The following FGF20 variants were observed in gnomAD, a reference collection of about 807,000 sequenced individuals.
FGF20 encodes the protein fibroblast growth factor 20.
A neutral mutation model predicts 16.7 loss-of-function variants in FGF20; 8 were observed. The ratio of observed to expected loss-of-function variants is 0.48; its 90% CI spans 0.28 to 0.87. FGF20 has a LOEUF of 0.87. Among genes scored for constraint, FGF20 ranks in the 40% least tolerant of loss-of-function variants. The pLI is 0.10. For synonymous variants in FGF20, 161 were observed against 118.6 expected, an observed-to-expected ratio of 1.36 and a Z score of -2.32; for missense variants, 397 against 281.4, an observed-to-expected ratio of 1.41 and a Z score of -2.94.
At chr8:17,001,050 C>T (rs1810168264) in intron 1 of FGF20, among the ~76,000 whole-genome samples, 1 of 150,592 alleles carries the variant, frequency 6.6e-6, no homozygotes, top group Non-Finnish European at 1.5e-5. Context: ...CCCACCCCTC[C>T]CCCCCTTTCC....
chr8:16,999,800 A>G (rs1293466703), intron 1 of FGF20, among the ~76,000 whole-genome samples: 2 of 151,194 alleles, frequency 1.3e-5, no homozygotes, highest in Non-Finnish European at 2.9e-5. Context: ...CGGCCTCCCA[A>G]AGCGCTGGGA....
chr8:16,997,325 C>T (rs563121893), intron 1 of FGF20, among the ~76,000 whole-genome samples: 1 of 152,224 alleles, frequency 6.6e-6, no homozygotes, highest in South Asian at 2.1e-4. Context: ...TACCTTCACC[C>T]CTTCACCCCA....
At chr8:16,995,594 A>T (rs988012587) in intron 2 of FGF20, 61 bp downstream of exon 2, 5 of 689,538 alleles carry the variant, frequency 7.3e-6, no homozygotes, top group Non-Finnish European at 9.2e-6. Flanking sequence ...TTTTAATTAC[A>T]TAATAGATAG....
chr8:17,000,550 A>G (rs1457848583), intron 1 of FGF20, among the ~76,000 whole-genome samples: 3 of 152,166 alleles, frequency 2.0e-5, no homozygotes, highest in Non-Finnish European at 4.4e-5. Context: ...AATTAATGGT[A>G]TCTTTTTTAA....
rs1349813966 is a variant in FGF20 at position 16,992,893 on chromosome 8, C to T, written c.*179G>A. The T allele has an allele frequency of 3.0e-6, 2 of 677,470 alleles. No individual in the cohort carries two copies. The highest frequency in any genetic ancestry group is 4.8e-6 in the Non-Finnish European group (2 of 413,182). The allele number at this position is 677,470 out of a possible 1,614,324, so 42.0% of individuals were successfully genotyped here. The stretch of plus-strand genomic sequence containing the variant: ...TCCACATATAAAGAGTGATCATGAT[C>T]TATTTCTAGTCAAAATTTTTTTTGG... On this transcript the variant is annotated 3_prime_UTR_variant, in exon 3 of 3. Coordinates refer to ENST00000180166, the MANE Select transcript of FGF20 (RefSeq NM_019851.3).
rs1005831962 is a variant in FGF20 at position 17,001,368 on chromosome 8, A to T, written c.286+379T>A. On this transcript the variant is annotated intron_variant, in intron 1 of 2. Transcript: ENST00000180166. ...AGAGAAACATACAGGGATTTTTTTT[A>T]AAACTGACTGCGAGGTAAGCAGTGC... Among the ~76,000 whole-genome samples, 19 of 152,118 alleles carry T rather than the reference A, an allele frequency of 1.2e-4. 1 individual carries two copies. The highest frequency in any genetic ancestry group is 5.9e-4 in the Admixed American group (9 of 15,296).
chr8:17,001,819 G>T lies in FGF20; in HGVS notation c.214C>A (p.Arg72Ser). The T allele has an allele frequency of 1.3e-6, 2 of 1,549,630 alleles. No homozygotes were observed. Among genetic ancestry groups the T allele is most frequent in the Non-Finnish European group, 8.7e-7 (1 of 1,152,838 alleles). ...AGGATCTGCAGGTGGAAGCCGGTGC[G>T]GCAATAGAGCTGCCGGCGGCGCAGG... is the stretch of plus-strand genomic sequence containing the variant. ...GILRRRQLYCRTGFHLQILPD... is the reference protein window; with the variant it reads ...GILRRRQLYCSTGFHLQILPD... The change falls in exon 1 of 3, where the codon CGC becomes AGC. Residue 72 changes from arginine (R) to serine (S), a missense_variant. Physicochemically the swap from Arg to Ser is moderately radical, Grantham distance 110. Transcript: ENST00000180166.
chr8:16,996,101 G>A (rs1457824354), intron 1 of FGF20, among the ~76,000 whole-genome samples: 1 of 152,142 alleles, frequency 6.6e-6, no homozygotes, highest in Non-Finnish European at 1.5e-5. Flanking sequence ...CTGTAATGGG[G>A]TGGTAGCCTG....
At chr8:16,993,398 C>T (rs1466294437) in intron 2 of FGF20, 81 bp from the exon 3 acceptor site, 79 of 1,348,724 alleles carry the variant, frequency 5.9e-5, no homozygotes, top group Non-Finnish European at 7.7e-5. Context: ...TCTATATTTT[C>T]ATTTCTTTGC....
chr8:17,000,331 A>T (rs919428436), intron 1 of FGF20, among the ~76,000 whole-genome samples: 2 of 152,196 alleles, frequency 1.3e-5, no homozygotes, highest in Non-Finnish European at 2.9e-5. Flanking sequence ...AAGTGCTACC[A>T]AATGACCACC....
chr8:16,997,890 A>G (rs756931546), intron 1 of FGF20, among the ~76,000 whole-genome samples: 1 of 152,236 alleles, frequency 6.6e-6, no homozygotes, highest in Non-Finnish European at 1.5e-5. Context: ...CAAATGTATA[A>G]TTACTTTGTA....
Position 17,002,020 on chromosome 8 carries a change from C to G in FGF20, c.13G>C (p.Ala5Pro). ...CCGCCCAGAAAGCCCCCGACTTCGG[C>G]TAAGGGAGCCATGGAGGGGGAGATC... is the stretch of plus-strand genomic sequence containing the variant. MAPL[A>P]EVGGFLGGLE... Residue 5 changes from alanine to proline, a missense_variant, in exon 1 of 3, where the codon GCC (alanine) becomes CCC (proline). Transcript: ENST00000180166. 1 of 1,538,166 alleles carries G rather than the reference C, an allele frequency of 6.5e-7. No individual in the cohort carries two copies. Among genetic ancestry groups the G allele is most frequent in the African/African-American group, 1.4e-5 (1 of 70,934 alleles).
intron 1 of FGF20, among the ~76,000 whole-genome samples, chr8:16,998,336 T>C (rs1810103788): frequency 6.6e-6 from 1 of 152,190 alleles, no homozygotes; most frequent in African/African-American, 2.4e-5. Context: ...GATATGTGTT[T>C]TGTGTGTGTG....
At position 16,993,267 on chromosome 8, in the gene FGF20, C is replaced by A; in HGVS notation, c.441G>T (p.Trp147Cys). 2.5e-6 allele frequency: 4 copies of A among 1,614,006 alleles called. No individual in the cohort carries two copies. The highest frequency in any genetic ancestry group is 2.5e-6 in the Non-Finnish European group (3 of 1,179,948). ...CIFREQFEEN[W>C]YNTYSSNIYK... ...ATATGTTAGATGAATAGGTGTTATA[C>A]CAGTTCTCTTCAAACTGCTCCCTAA... Residue 147 changes from tryptophan to cysteine, a missense_variant, in exon 3 of 3, where the codon TGG (tryptophan) becomes TGT (cysteine). Transcript: ENST00000180166.
intron 2 of FGF20, 75 bp downstream of exon 2, chr8:16,995,580 G>T: frequency 1.7e-6 from 1 of 593,272 alleles, no homozygotes; most frequent in Non-Finnish European, 2.7e-6. Context: ...ATTCTTGGTA[G>T]ACATTTTAAT....
intron 1 of FGF20, among the ~76,000 whole-genome samples, chr8:16,999,694 T>TG (rs1810138097): frequency 6.7e-6 from 1 of 149,644 alleles, no homozygotes; most frequent in African/African-American, 2.5e-5. Flanking sequence ...GCTAATTTTT[T>TG]TTTTTTTTTT....
chr8:16,998,416 CGTA>C (rs1554494953), intron 1 of FGF20, among the ~76,000 whole-genome samples: 5 of 152,062 alleles, frequency 3.3e-5, no homozygotes. Flanking sequence ...TAGTATACCA[CGTA>C]GTAATTTGTA....
intron 2 of FGF20, 61 bp downstream of exon 2, chr8:16,995,594 A>G: frequency 7.2e-6 from 5 of 689,656 alleles, no homozygotes; most frequent in African/African-American, 3.6e-5. Flanking sequence ...TTTTAATTAC[A>G]TAATAGATAG....
At chr8:16,993,659 C>T (rs955620486) in intron 2 of FGF20, among the ~76,000 whole-genome samples, 2 of 152,114 alleles carry the variant, frequency 1.3e-5, no homozygotes, top group Non-Finnish European at 2.9e-5. Flanking sequence ...ATTATTATTA[C>T]ATTGTAATAT....
Sources: gnomAD v4.1 joint callset for allele counts (sites outside exome capture counted in the v4.1 genomes callset) on GRCh38, gnomAD v4.1.1 for gene constraint, MANE v1.5 for transcripts, NCBI Gene and HGNC (gene_info 2026-07-23, HGNC 2026-07-21) for gene names.